SPSB1: variants seen among roughly 807,000 people sequenced by gnomAD.
SPSB1 encodes splA/ryanodine receptor domain and SOCS box containing 1.
Under a neutral mutation model 21.2 loss-of-function variants are expected in SPSB1, and 8 were observed. The observed-to-expected ratio is 0.38, with a 90% CI of 0.22 to 0.68. The LOEUF (loss-of-function observed/expected upper bound fraction) is 0.68. Ranked by LOEUF, SPSB1 falls within the 30% of genes least tolerant of loss-of-function variation. The pLI, the probability that SPSB1 is intolerant of heterozygous loss-of-function variation, is 0.53. For missense variants in SPSB1, 242 were observed against 377.8 expected (o/e 0.64, Z 2.98); for synonymous variants, 169 against 161.7 (o/e 1.05, Z -0.34).
At chr1:9,355,636 G>C (rs1056365653) in intron 1 of SPSB1, 107 bp from the exon 2 acceptor site, 2 of 1,195,142 alleles carry the variant, frequency 1.7e-6, no homozygotes, top group African/African-American at 3.1e-5. Context: ...ACAGAGCCCA[G>C]GTGCAGGCTG....
Position 9,317,187 on chromosome 1 carries a change from TCAG to T in SPSB1, c.-150+24120_-150+24122del, listed in dbSNP as rs61430459. On this transcript the variant is annotated intron_variant, in intron 1 of 2. Transcript: ENST00000328089. The surrounding 1 kb of genome is among the most constrained non-coding windows in gnomAD (Gnocchi z 4.3). ...TGGCCTTGGGGATCAGGGTTTACTC[TCAG>T]CAGGTGAATCTGGGAAGGCTTCCTG... Among the ~76,000 whole-genome samples the T allele has an allele frequency of 8.1e-3, 1,235 of 152,236 alleles. 9 individuals are homozygous for T. The highest frequency in any genetic ancestry group is 0.011 in the Non-Finnish European group (775 of 68,014).
chr1:9,367,844 A>G lies in SPSB1; in HGVS notation c.*269A>G, dbSNP rs1640604838. The stretch of plus-strand genomic sequence containing the variant: ...CCCTCTTTGAAAAAAGACACAGAGA[A>G]TAAACTCCTACGAAAGCCCTACATT... On this transcript the variant is annotated 3_prime_UTR_variant, in exon 3 of 3. Coordinates refer to ENST00000328089, the MANE Select transcript of SPSB1 (RefSeq NM_025106.4). The surrounding 1 kb of genome is among the most constrained non-coding windows in gnomAD (Gnocchi z 5.9). The G allele has an allele frequency of 2.0e-6, 1 of 494,968 alleles. No individual in the cohort carries two copies. The highest frequency in any genetic ancestry group is 3.6e-6 in the Non-Finnish European group (1 of 278,908). The allele number at this position is 494,968 out of a possible 1,614,324, so 30.7% of individuals were successfully genotyped here. A position where few individuals can be genotyped will look rare whatever the true frequency, so the allele number is the denominator to read the frequency against.
At position 9,358,381 on chromosome 1, in the gene SPSB1, G is replaced by A. The variant is rs138386258; in HGVS notation, c.694+1796G>A. Among the ~76,000 whole-genome samples the A allele has an allele frequency of 4.2e-4, 64 of 152,268 alleles. 1 individual carries two copies. The highest frequency in any genetic ancestry group is 1.4e-3 in the African/African-American group (59 of 41,550). ...GTCATGGGACTCCTGGAAGAGGTGGGTGACCAGGCCTGCAGCCAGCAGGTA... is the reference window on the plus strand; with the variant it reads ...GTCATGGGACTCCTGGAAGAGGTGGATGACCAGGCCTGCAGCCAGCAGGTA... On this transcript the variant is annotated intron_variant, in intron 2 of 2. Coordinates refer to ENST00000328089, the MANE Select transcript of SPSB1 (RefSeq NM_025106.4).
chr1:9,309,260 CGG>C (rs1491448472), intron 1 of SPSB1, among the ~76,000 whole-genome samples: 1 of 144,846 alleles, frequency 6.9e-6, no homozygotes, highest in Non-Finnish European at 1.5e-5. Flanking sequence ...TGCTCCCCTG[CGG>C]AGAGAGAGAG....
intron 2 of SPSB1, among the ~76,000 whole-genome samples, chr1:9,358,347 C>G (rs555997443): frequency 7.9e-5 from 12 of 152,266 alleles, no homozygotes; most frequent in African/African-American, 2.9e-4. Flanking sequence ...TGCAGCCTGG[C>G]GCCCCCAGGT....
chr1:9,309,583 C>T lies in SPSB1; in HGVS notation c.-150+16512C>T, dbSNP rs575142286. Among the ~76,000 whole-genome samples the T allele has an allele frequency of 3.9e-5, 6 of 152,314 alleles. No homozygotes were observed. The South Asian group carries it at 1.2e-3, about 32-fold the overall frequency. On this transcript the variant is annotated intron_variant, in intron 1 of 2. Transcript: ENST00000328089. ...TCAGGCCAGGCACAGTGGCTCACGCCTGTAATCTCAGCACTTTGGGAGGCC... is the reference window on the plus strand; with the variant it reads ...TCAGGCCAGGCACAGTGGCTCACGCTTGTAATCTCAGCACTTTGGGAGGCC...
chr1:9,299,955 C>A (rs12136544), intron 1 of SPSB1, among the ~76,000 whole-genome samples: 11,951 of 138,620 alleles, frequency 0.086, 642 homozygotes, highest in East Asian at 0.15. Context: ...CAGAGTAAGA[C>A]CCTGTCTCAA....
intron 1 of SPSB1, among the ~76,000 whole-genome samples, chr1:9,316,701 C>G (rs1197862673): frequency 3.3e-5 from 5 of 152,236 alleles, no homozygotes; most frequent in Non-Finnish European, 5.9e-5. Flanking sequence ...TGTGGCGCGG[C>G]ACGGGCCTTC....
chr1:9,335,476 T>C (rs934899805), intron 1 of SPSB1, among the ~76,000 whole-genome samples: 21 of 149,162 alleles, frequency 1.4e-4, no homozygotes, highest in African/African-American at 5.0e-4. Flanking sequence ...CACTCCAGCC[T>C]GGGTGACAGA....
At chr1:9,319,666 C>T (rs376997295) in intron 1 of SPSB1, among the ~76,000 whole-genome samples, 3 of 152,260 alleles carry the variant, frequency 2.0e-5, no homozygotes, top group East Asian at 3.9e-4. Flanking sequence ...GAGGATGCTG[C>T]GGGAGGCCAA....
intron 1 of SPSB1, among the ~76,000 whole-genome samples, chr1:9,300,388 C>A (rs539231236): frequency 6.6e-6 from 1 of 152,308 alleles, no homozygotes; most frequent in South Asian, 2.1e-4. Flanking sequence ...TGCTGTGCAA[C>A]CTGCTTTGCC....
chr1:9,300,082 A>G (rs74832003), intron 1 of SPSB1, among the ~76,000 whole-genome samples: 1,709 of 152,178 alleles, frequency 0.011, 29 homozygotes, highest in African/African-American at 0.039. Flanking sequence ...GGACATTTAC[A>G]TGTCAAGCGA....
chr1:9,355,698 A>G, intron 1 of SPSB1, 45 bp from the exon 2 acceptor site: 1 of 1,295,782 alleles, frequency 7.7e-7, no homozygotes, highest in Non-Finnish European at 9.8e-7. Context: ...TTTCCCCTTC[A>G]TCCCACAGTC....
intron 1 of SPSB1, among the ~76,000 whole-genome samples, chr1:9,306,278 C>A (rs1461024851): frequency 6.6e-6 from 1 of 152,248 alleles, no homozygotes; most frequent in Admixed American, 6.5e-5. Flanking sequence ...CAGCAGTCGG[C>A]TTTTCTGCTC....
At chr1:9,337,342 G>A (rs1412652436) in intron 1 of SPSB1, among the ~76,000 whole-genome samples, 2 of 152,152 alleles carry the variant, frequency 1.3e-5, no homozygotes, top group African/African-American at 4.8e-5. Flanking sequence ...CTCAGTGGGG[G>A]AAAGAGGAGA....
At chr1:9,306,462 A>G (rs920972610) in intron 1 of SPSB1, among the ~76,000 whole-genome samples, 1 of 152,190 alleles carries the variant, frequency 6.6e-6, no homozygotes, top group Admixed American at 6.5e-5. Flanking sequence ...GACAATAGCC[A>G]TCAACGATGT....
intron 1 of SPSB1, among the ~76,000 whole-genome samples, chr1:9,332,363 G>A (rs1373983271): frequency 6.6e-6 from 1 of 152,208 alleles, no homozygotes. Context: ...TGGCGCTAAT[G>A]TGGGAAGCCA....
intron 1 of SPSB1, among the ~76,000 whole-genome samples, chr1:9,342,338 A>G (rs1640103698): frequency 6.6e-6 from 1 of 152,194 alleles, no homozygotes; most frequent in Non-Finnish European, 1.5e-5. Flanking sequence ...TGACAAGTCC[A>G]GAAACTGTGT....
intron 1 of SPSB1, among the ~76,000 whole-genome samples, chr1:9,355,019 G>A (rs561204667): frequency 1.3e-5 from 2 of 152,340 alleles, no homozygotes; most frequent in South Asian, 4.1e-4. Context: ...GTTGAAGGGT[G>A]TGGGCAGGAA....
Sources: allele counts gnomAD v4.1 joint callset (sites outside exome capture counted in the v4.1 genomes callset), GRCh38; gene constraint gnomAD v4.1.1; non-coding constraint Gnocchi (gnomAD v3.1); transcripts MANE v1.5; gene names NCBI Gene and HGNC (gene_info 2026-07-23, HGNC 2026-07-21).